TNIK: variants seen among roughly 807,000 people sequenced by gnomAD.
TNIK encodes TRAF2 and NCK interacting kinase, also known as TRAF2 and NCK-interacting protein kinase.
In TNIK, 49 loss-of-function variants were observed where a neutral mutation model predicts 191.3. The ratio of observed to expected loss-of-function variants is 0.26; its 90% CI spans 0.20 to 0.32. The LOEUF is 0.32. TNIK is among the 10% of genes least tolerant of loss of function. The probability of loss-of-function intolerance (pLI) is 1.00; values close to 1 mark genes in which losing one functional copy is unlikely to be tolerated. For missense variants in TNIK, 1,155 were observed against 1,702.3 expected (o/e 0.68, Z 5.66); for synonymous variants, 594 against 600.9 (o/e 0.99, Z 0.17).
chr3:171,151,464 G>A (rs938558809), intron 12 of TNIK, among the ~76,000 whole-genome samples: 1 of 152,168 alleles, frequency 6.6e-6, no homozygotes, highest in Non-Finnish European at 1.5e-5. Flanking sequence ...CCAATAACAA[G>A]AACAACTCAT....
At chr3:171,306,183 A>G (rs1219539936) in intron 2 of TNIK, among the ~76,000 whole-genome samples, 1 of 152,094 alleles carries the variant, frequency 6.6e-6, no homozygotes, top group Non-Finnish European at 1.5e-5. Flanking sequence ...AGATGGAAAG[A>G]GGGGAACAAC....
At chr3:171,272,289 A>G (rs779063341) in intron 2 of TNIK, among the ~76,000 whole-genome samples, 21 of 152,220 alleles carry the variant, frequency 1.4e-4, no homozygotes, top group Non-Finnish European at 2.4e-4. Context: ...AAGGGCTTCA[A>G]TGACAGAGAA....
chr3:171,446,696 AT>A (rs1185491692), intron 1 of TNIK, among the ~76,000 whole-genome samples: 1 of 152,170 alleles, frequency 6.6e-6, no homozygotes, highest in Non-Finnish European at 1.5e-5. Flanking sequence ...ACAACTTAAG[AT>A]TTTGATTTTA....
At position 171,087,560 on chromosome 3, in the gene TNIK, A is replaced by G. The variant is rs560703739; in HGVS notation, c.2722-54T>C. ...TAGAGAGGGGGGAAAAAGGCCACAGAGTGACATCAGCCCTCACACAGCATA... is the reference window on the plus strand; with the variant it reads ...TAGAGAGGGGGGAAAAAGGCCACAGGGTGACATCAGCCCTCACACAGCATA... On this transcript the variant is annotated intron_variant, in intron 23 of 32. Coordinates refer to ENST00000436636, the MANE Select transcript of TNIK (RefSeq NM_015028.4). 6.3e-6 allele frequency: 10 copies of G among 1,591,482 alleles called. No homozygotes were observed. In the Admixed American group the frequency reaches 1.5e-4, roughly 24 times the overall value.
rs1020691471 is a variant in TNIK, at chr3:171,338,664, T to G, written c.123+30956A>C. On this transcript the variant is annotated intron_variant, in intron 2 of 32. Transcript: ENST00000436636. Reference sequence around the variant, plus strand: ...CCACCATGCTCAGCTAAGTTGTTTTTTTTTTTTTTTTTGTATTTTTAGTAG... The same window carrying G: ...CCACCATGCTCAGCTAAGTTGTTTTGTTTTTTTTTTTTGTATTTTTAGTAG... 2.0e-5 allele frequency among the ~76,000 whole-genome samples: 3 copies of G among 151,550 alleles called. 1 individual carries two copies. In the South Asian group the frequency reaches 6.3e-4, roughly 32 times the overall value.
intron 2 of TNIK, among the ~76,000 whole-genome samples, chr3:171,351,338 A>C (rs902297437): frequency 3.4e-5 from 5 of 146,156 alleles, no homozygotes; most frequent in Non-Finnish European, 6.1e-5. Context: ...CTGAGTGACT[A>C]TTCTCTATCC....
intron 2 of TNIK, among the ~76,000 whole-genome samples, chr3:171,326,779 G>C (rs1277520035): frequency 6.6e-6 from 1 of 152,162 alleles, no homozygotes; most frequent in East Asian, 1.9e-4. Flanking sequence ...TAATAATATT[G>C]TTTAATTTAT....
intron 2 of TNIK, among the ~76,000 whole-genome samples, chr3:171,290,815 G>A (rs1380386659): frequency 6.6e-6 from 1 of 152,170 alleles, no homozygotes; most frequent in Non-Finnish European, 1.5e-5. Context: ...AATTATAACA[G>A]ACTTTATGGA....
intron 2 of TNIK, among the ~76,000 whole-genome samples, chr3:171,244,678 C>T (rs1267108989): frequency 1.3e-5 from 2 of 151,826 alleles, no homozygotes; most frequent in South Asian, 2.1e-4. Flanking sequence ...TTTAATCCAT[C>T]GGCCTCTATG....
chr3:171,373,231 G>T (rs557993450), intron 1 of TNIK, among the ~76,000 whole-genome samples: 1 of 152,136 alleles, frequency 6.6e-6, no homozygotes. Flanking sequence ...TTGCTTCTCA[G>T]TCCTGTCCTA....
intron 1 of TNIK, among the ~76,000 whole-genome samples, chr3:171,397,975 A>G (rs1488689668): frequency 6.6e-6 from 1 of 152,194 alleles, no homozygotes; most frequent in Admixed American, 6.5e-5. Context: ...TCTTAACCAC[A>G]CTGCTGGAGA....
At chr3:171,273,087 G>A (rs1749319834) in intron 2 of TNIK, among the ~76,000 whole-genome samples, 1 of 152,226 alleles carries the variant, frequency 6.6e-6, no homozygotes, top group African/African-American at 2.4e-5. Flanking sequence ...TAGAAGCCCA[G>A]GGGAGCACCA....
chr3:171,165,151 G>T (rs1216544493), intron 10 of TNIK, among the ~76,000 whole-genome samples: 1 of 151,990 alleles, frequency 6.6e-6, no homozygotes, highest in African/African-American at 2.4e-5. Context: ...TATAAAATCA[G>T]CCAGGCATGG....
intron 2 of TNIK, among the ~76,000 whole-genome samples, chr3:171,311,976 T>A (rs1754061911): frequency 6.6e-6 from 1 of 151,708 alleles, no homozygotes; most frequent in Non-Finnish European, 1.5e-5. Flanking sequence ...ACATGTGACT[T>A]CGGGGGTTGG....
At chr3:171,103,185 T>G (rs1723894109) in intron 21 of TNIK, among the ~76,000 whole-genome samples, 1 of 151,940 alleles carries the variant, frequency 6.6e-6, no homozygotes, top group Non-Finnish European at 1.5e-5. Context: ...CTAGGGCTTT[T>G]GCACACATGC....
intron 1 of TNIK, among the ~76,000 whole-genome samples, chr3:171,424,983 T>A (rs77700372): frequency 3.4e-5 from 5 of 148,764 alleles, no homozygotes; most frequent in Admixed American, 6.7e-5. Flanking sequence ...TAAAGCATAA[T>A]AAAAAAAAAA....
intron 11 of TNIK, among the ~76,000 whole-genome samples, chr3:171,158,398 G>A (rs1384104817): frequency 1.1e-4 from 17 of 152,196 alleles, no homozygotes; most frequent in Admixed American, 1.1e-3. Flanking sequence ...GTGTGCATAC[G>A]ACAGAGATCG....
chr3:171,113,782 T>C (rs1451690601), intron 18 of TNIK, among the ~76,000 whole-genome samples: 1 of 152,056 alleles, frequency 6.6e-6, no homozygotes, highest in Non-Finnish European at 1.5e-5. Flanking sequence ...ATTTGAGATA[T>C]GATAATGAAC....
intron 2 of TNIK, among the ~76,000 whole-genome samples, chr3:171,365,643 T>C (rs1214637533): frequency 1.3e-5 from 2 of 152,148 alleles, no homozygotes; most frequent in African/African-American, 2.4e-5. Flanking sequence ...GACAGAAAAG[T>C]AATGAGTTCC....
Sources: allele counts gnomAD v4.1 joint callset (sites outside exome capture counted in the v4.1 genomes callset), GRCh38; gene constraint gnomAD v4.1.1; transcripts MANE v1.5; gene names NCBI Gene and HGNC (gene_info 2026-07-23, HGNC 2026-07-21).